SLC2A5: variants seen among roughly 807,000 people sequenced by gnomAD.
The protein encoded by SLC2A5 is solute carrier family 2, facilitated glucose transporter member 5.
Under a neutral mutation model 50.3 loss-of-function variants are expected in SLC2A5, and 56 were observed. The ratio of observed to expected loss-of-function variants is 1.11; its 90% CI spans 0.90 to 1.39. SLC2A5 has a LOEUF of 1.39. Ranked by LOEUF, SLC2A5 falls within the 40% of genes most tolerant of loss-of-function variation. SLC2A5 has a pLI of 0.00. For synonymous variants in SLC2A5, 269 were observed against 281.9 expected (o/e 0.95, Z 0.46); for missense variants, 566 against 650.1 (o/e 0.87, Z 1.41).
intron 8 of SLC2A5, 145 bp from the exon 9 acceptor site, chr1:9,039,074 T>C (rs1641219831): frequency 1.0e-6 from 1 of 997,932 alleles, no homozygotes. Context: ...GTGCAAGACA[T>C]GCCCTTGGGC....
intron 1 of SLC2A5, among the ~76,000 whole-genome samples, chr1:9,058,510 T>C (rs957582889): frequency 6.6e-6 from 1 of 152,212 alleles, no homozygotes; most frequent in Middle Eastern, 3.2e-3. Context: ...CCTGTGAACA[T>C]GGTGCCAGTA....
chr1:9,038,031 G>T lies in SLC2A5; in HGVS notation c.1175-7C>A, dbSNP rs140779922. On this transcript the variant is annotated splice_polypyrimidine_tract_variant and splice_region_variant and intron_variant, in intron 10 of 11. Coordinates refer to ENST00000377424, the MANE Select transcript of SLC2A5 (RefSeq NM_003039.3). ...AGCAGCGCGGGTATGGGACCTGTAG[G>T]GGGAGGAGAGCAGCCTCCCTGAAGG... 1.4e-5 allele frequency: 22 copies of T among 1,613,470 alleles called. No homozygotes were observed. The highest frequency in any genetic ancestry group is 1.9e-5 in the Non-Finnish European group (22 of 1,179,880).
intron 2 of SLC2A5, among the ~76,000 whole-genome samples, chr1:9,079,126 C>A (rs1224598448): frequency 6.6e-6 from 1 of 152,082 alleles, no homozygotes; most frequent in Non-Finnish European, 1.5e-5. Flanking sequence ...CAGGGAGGGT[C>A]CAGAAAACGT....
intron 3 of SLC2A5, among the ~76,000 whole-genome samples, chr1:9,053,106 A>AATATATATTATATATTTATATAT (rs1557669879): frequency 9.3e-6 from 1 of 107,386 alleles, no homozygotes; most frequent in African/African-American, 3.9e-5. Flanking sequence ...ATTTATATAT[A>AATATATATTATATATTTATATAT]ATATATATTA....
rs142318846 is a variant in SLC2A5, at chr1:9,042,043, T to A, written c.419-106A>T. 553 of 1,421,050 alleles carry A rather than the reference T, an allele frequency of 3.9e-4. 1 individual carries two copies. The African/African-American group carries it at 7.3e-3, about 19-fold the overall frequency. The allele number at this position is 1,421,050 out of a possible 1,614,324, so 88.0% of individuals were successfully genotyped here. On this transcript the variant is annotated intron_variant, in intron 4 of 11. Transcript: ENST00000377424. ...GCAATAACATTATTTGGGCCAGAAC[T>A]CTCTCAAAACTGCAAAGGAGAAAGC...
chr1:9,070,237 C>T (rs994978015), upstream of SLC2A5, among the ~76,000 whole-genome samples: 1 of 151,652 alleles, frequency 6.6e-6, no homozygotes, highest in African/African-American at 2.4e-5. Context: ...TGCACTACCA[C>T]GCTCGGCTAA....
intron 1 of SLC2A5, among the ~76,000 whole-genome samples, chr1:9,088,083 C>A (rs1183494300): frequency 1.3e-5 from 2 of 152,118 alleles, no homozygotes; most frequent in Non-Finnish European, 2.9e-5. Context: ...TAGCAAAAGG[C>A]AAGAGATTCC....
intron 2 of SLC2A5, among the ~76,000 whole-genome samples, chr1:9,074,942 G>T (rs1642263461): frequency 6.6e-6 from 1 of 152,000 alleles, no homozygotes; most frequent in Non-Finnish European, 1.5e-5. Flanking sequence ...AGAATTGCTT[G>T]AGCCAGGAAC....
At chr1:9,091,258 G>A (rs552950744), upstream of SLC2A5, among the ~76,000 whole-genome samples, 11 of 152,134 alleles carry the variant, frequency 7.2e-5, no homozygotes, top group East Asian at 1.5e-3. Flanking sequence ...ACAGGACCCC[G>A]CTTTAGGCCT....
chr1:9,079,870 T>G (rs1043364436), intron 2 of SLC2A5, among the ~76,000 whole-genome samples: 42 of 152,314 alleles, frequency 2.8e-4, no homozygotes, highest in African/African-American at 9.4e-4. Flanking sequence ...AGTTGAGTTG[T>G]GGTAAGTATA....
At chr1:9,066,562 CTTG>C (rs1413969891) in intron 1 of SLC2A5, among the ~76,000 whole-genome samples, 1 of 152,140 alleles carries the variant, frequency 6.6e-6, no homozygotes, top group East Asian at 1.9e-4. Flanking sequence ...TGTAAAATAC[CTTG>C]TTGTACCTTT....
chr1:9,056,720 G>A (rs1257625524), intron 3 of SLC2A5, among the ~76,000 whole-genome samples: 1 of 152,092 alleles, frequency 6.6e-6, no homozygotes, highest in Non-Finnish European at 1.5e-5. Context: ...ATAAAATATG[G>A]CATTTCTAAT....
upstream of SLC2A5, among the ~76,000 whole-genome samples, chr1:9,089,235 T>C (rs1033522567): frequency 6.6e-6 from 1 of 152,144 alleles, no homozygotes; most frequent in Non-Finnish European, 1.5e-5. Flanking sequence ...CTTGTGGGCA[T>C]GGACAAAAAT....
At chr1:9,071,931 G>GGCCTCTGCCTCAGCCCGGGTTCCCCTCC (rs1642221612), upstream of SLC2A5, 1 of 157,612 alleles carries the variant, frequency 6.3e-6, no homozygotes, top group Non-Finnish European at 1.4e-5. Context: ...GGTCCCCCTC[G>GGCCTCTGCCTCAGCCCGGGTTCCCCTCC]GCCTCTGCCT....
At chr1:9,081,277 AAAC>A (rs1557685761) in intron 2 of SLC2A5, among the ~76,000 whole-genome samples, 40 of 136,920 alleles carry the variant, frequency 2.9e-4, no homozygotes, top group African/African-American at 3.7e-4. Flanking sequence ...AAAAAAAAAA[AAAC>A]CCCAAAAAAA....
chr1:9,046,093 T>C (rs1641427403), intron 4 of SLC2A5, among the ~76,000 whole-genome samples: 1 of 152,278 alleles, frequency 6.6e-6, no homozygotes. Flanking sequence ...CATTTGTCCC[T>C]ATCCCTGCGT....
chr1:9,070,046 T>C (rs1217556891), upstream of SLC2A5, among the ~76,000 whole-genome samples: 1 of 150,812 alleles, frequency 6.6e-6, no homozygotes, highest in Non-Finnish European at 1.5e-5. Flanking sequence ...CGTGTAATAC[T>C]GTTTGGGGAA....
chr1:9,070,078 T>G (rs1421635083), upstream of SLC2A5, among the ~76,000 whole-genome samples: 1 of 131,230 alleles, frequency 7.6e-6, no homozygotes, highest in South Asian at 2.8e-4. Flanking sequence ...TTCTGTTTTT[T>G]TTTTTTTTTT....
intron 3 of SLC2A5, among the ~76,000 whole-genome samples, chr1:9,049,866 C>T (rs575378483): frequency 1.1e-4 from 16 of 152,030 alleles, no homozygotes; most frequent in African/African-American, 2.9e-4. Context: ...GGCTGGGTGC[C>T]GTGCTCATGC....
Sources: allele counts gnomAD v4.1 joint callset (sites outside exome capture counted in the v4.1 genomes callset), GRCh38; gene constraint gnomAD v4.1.1; transcripts MANE v1.5; gene names NCBI Gene and HGNC (gene_info 2026-07-23, HGNC 2026-07-21).